The following KCTD19 variants were observed in gnomAD, a reference collection of about 807,000 sequenced individuals.
KCTD19 encodes potassium channel tetramerization domain containing 19.
In KCTD19, 67 loss-of-function variants were observed where a neutral mutation model predicts 103.5. The observed-to-expected ratio is 0.65, with a 90% CI of 0.53 to 0.79. The LOEUF is 0.79. KCTD19 is among the 30% of genes least tolerant of loss of function. The pLI is 0.00. For missense variants in KCTD19, 980 were observed against 1,136.1 expected (o/e 0.86, Z 1.98); for synonymous variants, 439 against 452.2 (o/e 0.97, Z 0.37).
Position 67,304,481 on chromosome 16 carries a change from G to T in KCTD19, c.391C>A (p.Arg131Ser). The T allele has an allele frequency of 6.2e-7, 1 of 1,613,892 alleles. No individual in the cohort carries two copies. Among genetic ancestry groups the T allele is most frequent in the South Asian group, 1.1e-5 (1 of 91,072 alleles). The change falls in exon 3 of 16, where the codon CGT (arginine) becomes AGT (serine). Residue 131 changes from arginine to serine, a missense_variant. By Grantham distance (110) the Arg-to-Ser change is moderately radical. Coordinates refer to ENST00000304372, the MANE Select transcript of KCTD19 (RefSeq NM_001100915.3). ...GGTTTGCTAATACACTTCCATGTACGCCAGTAGTTCAGAGATGCTCTCTCA... is the reference window on the plus strand; with the variant it reads ...GGTTTGCTAATACACTTCCATGTACTCCAGTAGTTCAGAGATGCTCTCTCA... ...VAERASLNYW[R>S]TWKCISKPSE...
intron 2 of KCTD19, among the ~76,000 whole-genome samples, chr16:67,313,468 A>G (rs774866302): frequency 7.9e-5 from 12 of 152,138 alleles, no homozygotes; most frequent in Admixed American, 1.3e-4. Flanking sequence ...TTTTTTTTCA[A>G]CCATCTAAAA....
Position 67,326,729 on chromosome 16 carries a change from C to CGGGCGG in KCTD19, c.-28_-23dup. 6.4e-7 allele frequency: 1 copy of CGGGCGG among 1,571,520 alleles called. No individual in the cohort carries two copies. Among genetic ancestry groups the CGGGCGG allele is most frequent in the Non-Finnish European group, 8.6e-7 (1 of 1,164,168 alleles). The stretch of plus-strand genomic sequence containing the variant: ...CCATGGTCGCGGCTCCAGCAGCGGG[C>CGGGCGG]GGGCGGGCTTGTGACCCGGCCAATA... On this transcript the variant is annotated 5_prime_UTR_variant, in exon 1 of 16. Transcript: ENST00000304372.
At chr16:67,291,240 T>G in intron 14 of KCTD19, 69 bp downstream of exon 14, 1 of 1,534,624 alleles carries the variant, frequency 6.5e-7, no homozygotes, top group Non-Finnish European at 8.9e-7. Flanking sequence ...TTGCACCACT[T>G]ATTGTGGGGC....
intron 2 of KCTD19, among the ~76,000 whole-genome samples, chr16:67,316,937 G>A (rs2037019379): frequency 6.6e-6 from 1 of 152,166 alleles, no homozygotes; most frequent in Non-Finnish European, 1.5e-5. Flanking sequence ...TTCCCATCTT[G>A]TGCTGCTTGT....
chr16:67,303,025 C>G lies in KCTD19; in HGVS notation c.643+121G>C. On this transcript the variant is annotated intron_variant, in intron 4 of 15. Coordinates refer to ENST00000304372, the MANE Select transcript of KCTD19 (RefSeq NM_001100915.3). This position sits in a 1 kb window ranked among gnomAD's most constrained non-coding sequence, Gnocchi z 4.3. ...AGGCTCTGTCATGCTTCCGCTACCTCTGCCCAGGGAAGCTCCTGAGGCCCT... is the reference window on the plus strand; with the variant it reads ...AGGCTCTGTCATGCTTCCGCTACCTGTGCCCAGGGAAGCTCCTGAGGCCCT... The G allele has an allele frequency of 1.1e-6, 1 of 887,468 alleles. No homozygotes were observed. Among genetic ancestry groups the G allele is most frequent in the South Asian group, 1.6e-5 (1 of 64,272 alleles). The allele number at this position is 887,468 out of a possible 1,614,324, so 55.0% of individuals were successfully genotyped here.
Position 67,321,034 on chromosome 16 carries a change from A to G in KCTD19, c.4-149T>C, listed in dbSNP as rs529359384. ...AGGAATTCACCAGAAAACTATTAGA[A>G]ATAAGTCCAGGCCAGGCATGGTGGT... On this transcript the variant is annotated intron_variant, in intron 1 of 15. Coordinates refer to ENST00000304372, the MANE Select transcript of KCTD19 (RefSeq NM_001100915.3). 67 of 768,010 alleles carry G rather than the reference A, an allele frequency of 8.7e-5. 3 individuals carry two copies. In the South Asian group the frequency reaches 1.3e-3, roughly 15 times the overall value. The allele number at this position is 768,010 out of a possible 1,614,324, so 47.6% of individuals were successfully genotyped here.
rs2036724237 is a variant in KCTD19, at chr16:67,293,568, T to G, written c.2194A>C (p.Ser732Arg). The change falls in exon 12 of 16, where the codon AGC becomes CGC. Residue 732 changes from serine (S) to arginine (R), a missense_variant. Transcript: ENST00000304372. The surrounding 1 kb of genome is among the most constrained non-coding windows in gnomAD (Gnocchi z 4.0). ...PKRAGTLKDW[S>R]KQRTKERESP... is the part of the protein sequence containing the mutation. ...CCTCTCTCCTTGGTCCTCTGCTTGC[T>G]CCAGTCCTTCAGGGTGCCAGCTCTT... 1 of 1,614,100 alleles carries G rather than the reference T, an allele frequency of 6.2e-7. No individual in the cohort carries two copies. Among genetic ancestry groups the G allele is most frequent in the Non-Finnish European group, 8.5e-7 (1 of 1,180,008 alleles).
chr16:67,298,121 G>A (rs909294775), intron 6 of KCTD19, among the ~76,000 whole-genome samples: 3 of 151,676 alleles, frequency 2.0e-5, no homozygotes, highest in Admixed American at 2.0e-4. Context: ...AGCCTCCTGA[G>A]TAGCTGGGAC....
chr16:67,294,231 C>A, intron 11 of KCTD19, 60 bp from the exon 12 acceptor site: 1 of 1,511,078 alleles, frequency 6.6e-7, no homozygotes, highest in South Asian at 1.3e-5. Context: ...AACGCCTTGC[C>A]CAAGATCTAA....
chr16:67,299,604 G>GC lies in KCTD19; in HGVS notation c.776-32dup, dbSNP rs765074174. The GC allele has an allele frequency of 8.1e-4, 1,275 of 1,571,410 alleles. 5 individuals are homozygous for GC. Among genetic ancestry groups the GC allele is most frequent in the Non-Finnish European group, 5.6e-4 (649 of 1,150,674 alleles). On this transcript the variant is annotated intron_variant, in intron 5 of 15. Transcript: ENST00000304372. Reference sequence around the variant, plus strand: ...TCAGAGAGAAAGGGGTGACTCCTAGGCCCCCCATGGTCATAGCTGGATTGG... The same window carrying GC: ...TCAGAGAGAAAGGGGTGACTCCTAGGCCCCCCCATGGTCATAGCTGGATTGG...
At chr16:67,312,678 A>G (rs555122692) in intron 2 of KCTD19, among the ~76,000 whole-genome samples, 2 of 152,144 alleles carry the variant, frequency 1.3e-5, no homozygotes, top group South Asian at 4.1e-4. Flanking sequence ...ATCCCTCAAA[A>G]TCCACCATTC....
chr16:67,312,647 C>T (rs2036960931), intron 2 of KCTD19, among the ~76,000 whole-genome samples: 1 of 152,100 alleles, frequency 6.6e-6, no homozygotes. Flanking sequence ...TCCTGATTTT[C>T]CTCCCTAAAC....
intron 1 of KCTD19, among the ~76,000 whole-genome samples, chr16:67,322,792 A>T (rs968756828): frequency 5.9e-5 from 9 of 152,354 alleles, no homozygotes; most frequent in Middle Eastern, 3.4e-3. Context: ...AATGGAACAA[A>T]ATATTTGCAA....
At position 67,303,091 on chromosome 16, in the gene KCTD19, G is replaced by A; in HGVS notation, c.643+55C>T. 6.8e-7 allele frequency: 1 copy of A among 1,471,996 alleles called. No homozygotes were observed. Among genetic ancestry groups the A allele is most frequent in the Non-Finnish European group, 9.5e-7 (1 of 1,056,716 alleles). The allele number at this position is 1,471,996 out of a possible 1,614,324, so 91.2% of individuals were successfully genotyped here. Reference sequence around the variant, plus strand: ...CCTCTGTGGGACATGTGATGGGGAGGGGTGAATGGGCCCTATCAGCCCGCC... The same window carrying A: ...CCTCTGTGGGACATGTGATGGGGAGAGGTGAATGGGCCCTATCAGCCCGCC... On this transcript the variant is annotated intron_variant, in intron 4 of 15. Transcript: ENST00000304372. The surrounding 1 kb of genome is among the most constrained non-coding windows in gnomAD (Gnocchi z 4.3).
chr16:67,320,610 C>CA lies in KCTD19; in HGVS notation c.278dup (p.Leu93PhefsTer12), dbSNP rs758864500. On this transcript the variant is annotated frameshift_variant, in exon 2 of 16. Transcript: ENST00000304372. LOFTEE classifies it high-confidence loss of function. The surrounding 1 kb of genome is among the most constrained non-coding windows in gnomAD (Gnocchi z 4.0). ...TTACCTGCAGCAAAGGCATCAGCTG[C>CA]AAACCCAATGCTTGCTCATACAGCA... 1.9e-6 allele frequency: 3 copies of CA among 1,613,994 alleles called. No homozygotes were observed. The highest frequency in any genetic ancestry group is 2.5e-6 in the Non-Finnish European group (3 of 1,179,972).
chr16:67,325,207 C>CTTTTTTTTTTTTTTTTTTTT (rs10695930), intron 1 of KCTD19, among the ~76,000 whole-genome samples: 1 of 113,174 alleles, frequency 8.8e-6, no homozygotes, highest in Non-Finnish European at 1.8e-5. Flanking sequence ...TTCTTTTTTT[C>CTTTTTTTTTTTTTTTTTTTT]TTTTTTTTTT....
chr16:67,298,768 G>A (rs1415545878), intron 6 of KCTD19, among the ~76,000 whole-genome samples: 1 of 152,212 alleles, frequency 6.6e-6, no homozygotes, highest in Non-Finnish European at 1.5e-5. Context: ...AGTCTGTTTT[G>A]TGACCCTCAG....
At chr16:67,322,772 T>C (rs1448278306) in intron 1 of KCTD19, among the ~76,000 whole-genome samples, 1 of 152,198 alleles carries the variant, frequency 6.6e-6, no homozygotes, top group Non-Finnish European at 1.5e-5. Flanking sequence ...GGTGAAAAGA[T>C]AACTCACAGA....
At chr16:67,317,949 G>C (rs981788882) in intron 2 of KCTD19, among the ~76,000 whole-genome samples, 1 of 152,126 alleles carries the variant, frequency 6.6e-6, no homozygotes, top group African/African-American at 2.4e-5. Context: ...TGCTCATTTA[G>C]TAAAAAAATC....
Sources: allele counts gnomAD v4.1 joint callset (sites outside exome capture counted in the v4.1 genomes callset), GRCh38; gene constraint gnomAD v4.1.1; non-coding constraint Gnocchi (gnomAD v3.1); transcripts MANE v1.5; gene names NCBI Gene and HGNC (gene_info 2026-07-23, HGNC 2026-07-21).